The following TGM6 variants were observed in gnomAD, a reference collection of about 807,000 sequenced individuals.
The protein encoded by TGM6 is transglutaminase 6, also known as protein-glutamine gamma-glutamyltransferase 6.
TGM6 carries 74 observed loss-of-function variants against 77.5 expected under a neutral mutation model. The ratio of observed to expected loss-of-function variants is 0.96; its 90% CI spans 0.79 to 1.16. The LOEUF (loss-of-function observed/expected upper bound fraction) is 1.16, where lower values mean the gene tolerates loss of function less well. Among genes scored for constraint, TGM6 ranks in the 50% most tolerant of loss-of-function variants. The pLI is 0.00. For missense variants in TGM6, 968 were observed against 940.2 expected (o/e 1.03, Z -0.39); for synonymous variants, 383 against 378.9 (o/e 1.01, Z -0.12).
Position 2,417,541 on chromosome 20 carries a change from A to T in TGM6, c.1646A>T (p.Glu549Val). 6.2e-7 allele frequency: 1 copy of T among 1,604,908 alleles called. No individual in the cohort carries two copies. Among genetic ancestry groups the T allele is most frequent in the East Asian group, 2.2e-5 (1 of 44,858 alleles). Residue 549 changes from glutamate (E) to valine (V), a missense_variant, in exon 10 of 13, where the codon GAA (glutamate) becomes GTA (valine). Physicochemically the swap from Glu to Val is moderately radical, Grantham distance 121. Transcript: ENST00000202625. ...TRKPVAEILH[E>V]SHAVRLGPQE... ...AAGCCAGTGGCAGAGATCCTGCATG[A>T]ATCCCACGCCGTGAGGCTGGGGCCG...
chr20:2,381,032 G>A, intron 1 of TGM6, 57 bp downstream of exon 1: 1 of 1,600,838 alleles, frequency 6.2e-7, no homozygotes, highest in South Asian at 1.1e-5. Flanking sequence ...GGGGCTTCAA[G>A]AAACACGGGT....
chr20:2,421,817 C>T (rs542296290), intron 10 of TGM6, among the ~76,000 whole-genome samples: 48 of 152,182 alleles, frequency 3.2e-4, no homozygotes, highest in African/African-American at 1.2e-3. Flanking sequence ...TTTCATGGAT[C>T]ATGCCTTTGG....
rs1042071272 is a variant in TGM6, at chr20:2,382,832, C to G, written c.7+1857C>G. 2.0e-5 allele frequency among the ~76,000 whole-genome samples: 3 copies of G among 152,218 alleles called. No homozygotes were observed. In the South Asian group the frequency reaches 6.2e-4, roughly 31 times the overall value. On this transcript the variant is annotated intron_variant, in intron 1 of 12. Coordinates refer to ENST00000202625, the MANE Select transcript of TGM6 (RefSeq NM_198994.3). ...CCCTAGTTGACCCCAGAGCTCTTCCCTCTGGAGCCTGGATGTGGCCCCAGA... is the reference window on the plus strand; with the variant it reads ...CCCTAGTTGACCCCAGAGCTCTTCCGTCTGGAGCCTGGATGTGGCCCCAGA...
At chr20:2,414,943 G>A (rs377539946) in intron 9 of TGM6, among the ~76,000 whole-genome samples, 1 of 139,424 alleles carries the variant, frequency 7.2e-6, no homozygotes, top group African/African-American at 2.7e-5. Flanking sequence ...TTGGGGGGGG[G>A]GGTGAAAAAA....
chr20:2,390,837 A>C (rs2084624915), intron 1 of TGM6, among the ~76,000 whole-genome samples: 1 of 152,154 alleles, frequency 6.6e-6, no homozygotes, highest in Admixed American at 6.5e-5. Context: ...ATCTGAAAGG[A>C]GAGTGATCCA....
chr20:2,395,788 A>G (rs935107910), intron 3 of TGM6, among the ~76,000 whole-genome samples: 6 of 152,350 alleles, frequency 3.9e-5, no homozygotes, highest in East Asian at 1.9e-4. Context: ...CCTACCTCTT[A>G]TGACTATGGT....
Position 2,403,496 on chromosome 20 carries a change from T to C in TGM6, c.1089T>C (p.Ser363=), listed in dbSNP as rs762242728. 183 of 1,613,490 alleles carry C rather than the reference T, an allele frequency of 1.1e-4. No individual in the cohort carries two copies. The highest frequency in any genetic ancestry group is 1.4e-4 in the Non-Finnish European group (169 of 1,179,902). The change falls in exon 8 of 13, where the codon AGT becomes AGC. Residue 363 remains serine (S), a synonymous_variant. Coordinates refer to ENST00000202625, the MANE Select transcript of TGM6 (RefSeq NM_198994.3). The part of the protein sequence containing the change: ...QVLDATPQEE[S]EGVFRCGPAS... ...TGGATGCCACCCCCCAGGAGGAGAG[T>C]GAAGGTACGCTCAATTGGGTGGGGT...
At chr20:2,418,682 C>T (rs533773841) in intron 10 of TGM6, among the ~76,000 whole-genome samples, 1 of 152,346 alleles carries the variant, frequency 6.6e-6, no homozygotes, top group South Asian at 2.1e-4. Context: ...GTACATTTGC[C>T]TAAAATTTAT....
At chr20:2,422,834 C>T (rs952011998) in intron 10 of TGM6, among the ~76,000 whole-genome samples, 1 of 151,698 alleles carries the variant, frequency 6.6e-6, no homozygotes. Context: ...CACCTGTTGT[C>T]TCAGCTACTC....
chr20:2,400,596 G>A (rs749348643), intron 7 of TGM6, 152 bp downstream of exon 7: 15 of 1,077,466 alleles, frequency 1.4e-5, no homozygotes, highest in Non-Finnish European at 2.0e-5. Flanking sequence ...GAGGCGCCCT[G>A]CGGATAGTGG....
At chr20:2,384,997 T>C (rs920929186) in intron 1 of TGM6, among the ~76,000 whole-genome samples, 1 of 152,174 alleles carries the variant, frequency 6.6e-6, no homozygotes, top group Non-Finnish European at 1.5e-5. Flanking sequence ...CACTGTCAAC[T>C]GGAGCAGTCT....
At chr20:2,384,069 T>A (rs1365789943) in intron 1 of TGM6, among the ~76,000 whole-genome samples, 2 of 140,926 alleles carry the variant, frequency 1.4e-5, no homozygotes, top group African/African-American at 5.4e-5. Context: ...ATTGTGCCAC[T>A]GCACTCCAGC....
chr20:2,430,344 C>A, intron 10 of TGM6, 102 bp from the exon 11 acceptor site: 1 of 1,466,700 alleles, frequency 6.8e-7, no homozygotes, highest in Non-Finnish European at 9.5e-7. Context: ...GTTGCAAGGA[C>A]CAGAGAGAAA....
At position 2,430,918 on chromosome 20, in the gene TGM6, G is replaced by A; in HGVS notation, c.1858G>A (p.Val620Met). The change falls in exon 12 of 13, where the codon GTG becomes ATG. Residue 620 changes from valine (V) to methionine (M), a missense_variant. Transcript: ENST00000202625. ...IKVLGPAMVGVAVTVEVTVVN... is the reference protein window; with the variant it reads ...IKVLGPAMVGMAVTVEVTVVN... ...GGTTCTGGGCCCAGCCATGGTGGGA[G>A]TGGCAGTTACAGTGGAAGTGACAGT... 3 of 1,614,218 alleles carry A rather than the reference G, an allele frequency of 1.9e-6. No individual in the cohort carries two copies. Among genetic ancestry groups the A allele is most frequent in the South Asian group, 2.2e-5 (2 of 91,082 alleles).
intron 9 of TGM6, among the ~76,000 whole-genome samples, chr20:2,413,901 C>G (rs1274054797): frequency 6.6e-6 from 1 of 152,078 alleles, no homozygotes; most frequent in African/African-American, 2.4e-5. Context: ...TGGACTTTAT[C>G]AAAGTTAAGA....
chr20:2,381,065 C>T (rs963512096), intron 1 of TGM6, 90 bp downstream of exon 1: 15 of 1,534,260 alleles, frequency 9.8e-6, no homozygotes, highest in African/African-American at 2.7e-5. Context: ...GTTTGATCAT[C>T]GATTGTTAGG....
chr20:2,401,793 T>C (rs953174805), intron 7 of TGM6, among the ~76,000 whole-genome samples: 23 of 152,162 alleles, frequency 1.5e-4, no homozygotes, highest in Admixed American at 1.3e-3. Context: ...GAAAAAGCCA[T>C]TGTTCATCTA....
intron 10 of TGM6, among the ~76,000 whole-genome samples, chr20:2,428,600 A>C (rs2084904303): frequency 1.3e-5 from 2 of 152,170 alleles, no homozygotes; most frequent in Admixed American, 6.5e-5. Context: ...ATTTGGCATC[A>C]TTCTTACTAC....
chr20:2,421,916 G>A (rs1157734631), intron 10 of TGM6, among the ~76,000 whole-genome samples: 2 of 152,172 alleles, frequency 1.3e-5, no homozygotes, highest in Non-Finnish European at 2.9e-5. Context: ...TGGATCACTT[G>A]AGATCAGGAG....
Sources: allele counts gnomAD v4.1 joint callset (sites outside exome capture counted in the v4.1 genomes callset), GRCh38; gene constraint gnomAD v4.1.1; transcripts MANE v1.5; gene names NCBI Gene and HGNC (gene_info 2026-07-23, HGNC 2026-07-21).